Variants in TDRD12 observed in about 807,000 individuals in gnomAD.
The protein encoded by TDRD12 is tudor domain containing 12, also known as putative ATP-dependent RNA helicase TDRD12.
A neutral mutation model predicts 133.5 loss-of-function variants in TDRD12; 158 were observed. The ratio of observed to expected loss-of-function variants is 1.18; its 90% confidence interval spans 1.04 to 1.35. TDRD12 has a LOEUF of 1.35. Ranked by LOEUF, TDRD12 falls within the 40% of genes most tolerant of loss-of-function variation. The pLI, the probability that TDRD12 is intolerant of heterozygous loss-of-function variation, is 0.00. For synonymous variants in TDRD12, 460 were observed against 477.9 expected, an observed-to-expected ratio of 0.96 and a Z score of 0.49; for missense variants, 1,443 against 1,321.3, an observed-to-expected ratio of 1.09 and a Z score of -1.43.
rs970025396 is a variant in TDRD12 at position 32,800,626 on chromosome 19, T to C, written c.1951-18T>C. 6.5e-7 allele frequency: 1 copy of C among 1,528,078 alleles called. No homozygotes were observed. The highest frequency in any genetic ancestry group is 1.4e-5 in the African/African-American group (1 of 72,610). The allele number at this position is 1,528,078 out of a possible 1,614,324, so 94.7% of individuals were successfully genotyped here. A position where few individuals can be genotyped will look rare whatever the true frequency, so the allele number is the denominator to read the frequency against. On this transcript the variant is annotated intron_variant, in intron 17 of 27. Coordinates refer to ENST00000444215, the Ensembl canonical transcript of TDRD12. ...TAAAATATTAAAAAGTCACATTGTTTCTGTGCTTCATTACCAGGTAGTACA... is the reference window on the plus strand; with the variant it reads ...TAAAATATTAAAAAGTCACATTGTTCCTGTGCTTCATTACCAGGTAGTACA...
intron 16 of TDRD12, among the ~76,000 whole-genome samples, chr19:32,799,728 CTTT>C (rs71176153): frequency 5.1e-5 from 4 of 78,426 alleles, no homozygotes; most frequent in African/African-American, 2.2e-4. Context: ...TAGTTTTTGC[CTTT>C]TTTTTTTTTT....
intron 6 of TDRD12, 37 bp from the exon 7 acceptor site, chr19:32,755,955 T>A (rs1241837672): frequency 1.5e-6 from 2 of 1,362,928 alleles, no homozygotes; most frequent in Non-Finnish European, 1.9e-6. Context: ...TTGACTATAT[T>A]TGTCTTATTA....
chr19:32,792,147 G>T (rs1306318614), intron 13 of TDRD12, among the ~76,000 whole-genome samples: 1 of 152,022 alleles, frequency 6.6e-6, no homozygotes, highest in Non-Finnish European at 1.5e-5. Flanking sequence ...TTGGGAGGCT[G>T]AGGCAGGAGA....
intron 26 of TDRD12, among the ~76,000 whole-genome samples, chr19:32,817,764 C>T (rs1418927961): frequency 1.3e-5 from 2 of 151,226 alleles, no homozygotes; most frequent in South Asian, 2.1e-4. Context: ...TCCTTGACCC[C>T]GCCCGAGGTG....
exon 1 of TDRD12, chr19:32,719,838 G>C: frequency 1.7e-6 from 1 of 584,830 alleles, no homozygotes; most frequent in Non-Finnish European, 3.1e-6. Context: ...CCCGCAGCGA[G>C]GGGCTGGTTA....
intron 24 of TDRD12, among the ~76,000 whole-genome samples, 186 bp from the exon 25 acceptor site, chr19:32,813,498 A>C (rs1232227251): frequency 6.6e-6 from 1 of 152,138 alleles, no homozygotes; most frequent in Non-Finnish European, 1.5e-5. Context: ...GTTCCTTTCC[A>C]CACCTGCCTC....
At chr19:32,793,226 T>C (rs1276076400) in intron 13 of TDRD12, among the ~76,000 whole-genome samples, 3 of 151,568 alleles carry the variant, frequency 2.0e-5, no homozygotes, top group Non-Finnish European at 4.4e-5. Context: ...GATGAAAAGC[T>C]CTTTCCAACC....
At chr19:32,749,816 G>A (rs1969770645) in exon 6 of TDRD12, 1 of 1,550,752 alleles carries the variant, frequency 6.4e-7, no homozygotes, top group Non-Finnish European at 8.7e-7. Context: ...ATTATGTGCT[G>A]TGGAAGAAGA....
exon 26 of TDRD12, chr19:32,815,453 C>T (rs1247035420): frequency 3.3e-6 from 5 of 1,533,998 alleles, no homozygotes; most frequent in Non-Finnish European, 4.4e-6. Flanking sequence ...TCAAGGTGCA[C>T]ATTACAAACC....
Position 32,749,870 on chromosome 19 carries a change from G to A in TDRD12, c.582+1G>A. On this transcript the variant is annotated splice_donor_variant, in intron 6 of 27. Transcript: ENST00000444215. LOFTEE classifies it high-confidence loss of function. ...TTATGTAACTATAAAAGATGAAAAA[G>A]TAAGTGAAAGAATTGTATTTTTATA... 1 of 1,506,956 alleles carries A rather than the reference G, an allele frequency of 6.6e-7. No homozygotes were observed. Among genetic ancestry groups the A allele is most frequent in the Non-Finnish European group, 9.0e-7 (1 of 1,114,430 alleles). The allele number at this position is 1,506,956 out of a possible 1,614,324, so 93.3% of individuals were successfully genotyped here. A position where few individuals can be genotyped will look rare whatever the true frequency, so the allele number is the denominator to read the frequency against.
chr19:32,815,367 A>G, intron 25 of TDRD12, 81 bp from the exon 26 acceptor site: 2 of 1,208,890 alleles, frequency 1.7e-6, no homozygotes, highest in East Asian at 2.6e-5. Flanking sequence ...AATGAACCAG[A>G]GAGGCCCTGT....
At chr19:32,729,788 T>C (rs1263761116) in intron 1 of TDRD12, among the ~76,000 whole-genome samples, 5 of 120,288 alleles carry the variant, frequency 4.2e-5, no homozygotes, top group East Asian at 4.8e-4. Flanking sequence ...CTTTTTTTTT[T>C]TTTTTTTTTT....
rs189472141 is a variant in TDRD12, at chr19:32,729,718, C to T, written c.25-2007C>T. 7.9e-3 allele frequency among the ~76,000 whole-genome samples: 1,181 copies of T among 149,728 alleles called. 10 individuals are homozygous for T. Among genetic ancestry groups the T allele is most frequent in the African/African-American group, 0.027 (1,119 of 40,780 alleles). ...ATAATAGCTGTTTTTAAGTCCTCGCCTGTTAATTCCAATATCTGGGTATCT... is the reference window on the plus strand; with the variant it reads ...ATAATAGCTGTTTTTAAGTCCTCGCTTGTTAATTCCAATATCTGGGTATCT... On this transcript the variant is annotated intron_variant, in intron 1 of 27. Coordinates refer to ENST00000444215, the Ensembl canonical transcript of TDRD12.
At chr19:32,726,655 GTGGGAGGA>G (rs1968871439) in intron 1 of TDRD12, among the ~76,000 whole-genome samples, 1 of 151,772 alleles carries the variant, frequency 6.6e-6, no homozygotes, top group Admixed American at 6.6e-5. Context: ...GGAGGCTGAG[GTGGGAGGA>G]TTGCTTGAGG....
intron 8 of TDRD12, among the ~76,000 whole-genome samples, chr19:32,761,905 T>A (rs1970161681): frequency 2.0e-5 from 3 of 152,036 alleles, no homozygotes; most frequent in Non-Finnish European, 4.4e-5. Flanking sequence ...AGGCTGGTCT[T>A]GAACTCATGA....
Position 32,743,305 on chromosome 19 carries a change from C to T in TDRD12, c.440+405C>T, listed in dbSNP as rs575761603. Among the ~76,000 whole-genome samples, 7 of 152,280 alleles carry T rather than the reference C, an allele frequency of 4.6e-5. 1 individual carries two copies. The highest frequency in any genetic ancestry group is 1.7e-4 in the African/African-American group (7 of 41,558). On this transcript the variant is annotated intron_variant, in intron 4 of 27. Transcript: ENST00000444215. ...CCAGCAATCCTCCTACCTCAGCCTCCCAAATAGCTGGGACTACAGGCACAT... is the reference window on the plus strand; with the variant it reads ...CCAGCAATCCTCCTACCTCAGCCTCTCAAATAGCTGGGACTACAGGCACAT...
chr19:32,768,385 C>CT (rs77912787), intron 8 of TDRD12, among the ~76,000 whole-genome samples: 183 of 142,872 alleles, frequency 1.3e-3, no homozygotes, highest in Non-Finnish European at 1.6e-3. Context: ...GGTCTTTATT[C>CT]TTTTTTTTTT....
chr19:32,826,774 C>T (rs1016395168), intron 9 of TDRD12, 25 bp downstream of exon 32: 24 of 1,227,156 alleles, frequency 2.0e-5, no homozygotes, highest in South Asian at 1.2e-4. Context: ...GCCCACTCTC[C>T]GAGGGGTTGT....
intron 8 of TDRD12, among the ~76,000 whole-genome samples, chr19:32,770,977 T>C (rs929940370): frequency 1.5e-4 from 23 of 152,208 alleles, no homozygotes; most frequent in African/African-American, 4.8e-4. Flanking sequence ...TGTAAAGGAA[T>C]ACCTGAGACA....
Sources: allele counts gnomAD v4.1 joint callset (sites outside exome capture counted in the v4.1 genomes callset), GRCh38; gene constraint gnomAD v4.1.1; transcripts MANE v1.5; gene names NCBI Gene and HGNC (gene_info 2026-07-23, HGNC 2026-07-21).